The following SPOP variants were observed in gnomAD, a reference collection of about 807,000 sequenced individuals.
SPOP encodes speckle-type POZ protein.
A neutral mutation model predicts 45.6 loss-of-function variants in SPOP; 11 were observed. The observed-to-expected ratio is 0.24, with a 90% CI of 0.15 to 0.40. The LOEUF (loss-of-function observed/expected upper bound fraction) is 0.40, where lower values mean the gene tolerates loss of function less well. Among genes scored for constraint, SPOP ranks in the 10% least tolerant of loss-of-function variants. The pLI is 1.00. For missense variants in SPOP, 152 were observed against 465.6 expected (o/e 0.33, Z 6.20); for synonymous variants, 166 against 166.3 (o/e 1.00, Z 0.01).
At chr17:49,660,661 A>G (rs576403223) in intron 1 of SPOP, among the ~76,000 whole-genome samples, 1 of 152,106 alleles carries the variant, frequency 6.6e-6, no homozygotes, top group Admixed American at 6.5e-5. Flanking sequence ...TCTCCCCATT[A>G]TTTTCCTTAA....
chr17:49,670,610 C>A (rs373046482), intron 1 of SPOP, among the ~76,000 whole-genome samples: 1 of 152,140 alleles, frequency 6.6e-6, no homozygotes, highest in Admixed American at 6.5e-5. Flanking sequence ...TAGTCCACTC[C>A]GAAACCCACT....
At chr17:49,604,582 G>A (rs1332569285) in intron 8 of SPOP, among the ~76,000 whole-genome samples, 2 of 152,202 alleles carry the variant, frequency 1.3e-5, no homozygotes, top group African/African-American at 4.8e-5. Context: ...GGGTATTGCA[G>A]CATCACAGCA....
chr17:49,609,788 G>A (rs2071929715), intron 6 of SPOP, among the ~76,000 whole-genome samples: 3 of 151,862 alleles, frequency 2.0e-5, no homozygotes, highest in Non-Finnish European at 4.4e-5. Flanking sequence ...ATAACTAGAG[G>A]GAGAAGCTTG....
chr17:49,646,533 A>AAAGAG (rs546398632), intron 1 of SPOP: 1 of 151,142 alleles, frequency 6.6e-6, no homozygotes, highest in East Asian at 1.9e-4. Context: ...AAAAAAAAAA[A>AAAGAG]AGAGAGAGAG....
intron 1 of SPOP, among the ~76,000 whole-genome samples, chr17:49,625,589 C>T (rs1450353127): frequency 6.6e-6 from 1 of 152,124 alleles, no homozygotes; most frequent in Admixed American, 6.5e-5. Context: ...GCCTGGGCAA[C>T]AAGAGCGAAG....
At chr17:49,608,054 A>C in intron 6 of SPOP, 125 bp from the exon 7 acceptor site, 2 of 627,364 alleles carry the variant, frequency 3.2e-6, no homozygotes, top group Non-Finnish European at 5.2e-6. Flanking sequence ...CTCTACCTCA[A>C]TTTACATCAG....
chr17:49,643,248 T>C (rs1316179397), intron 1 of SPOP, among the ~76,000 whole-genome samples: 1 of 152,232 alleles, frequency 6.6e-6, no homozygotes, highest in Non-Finnish European at 1.5e-5. Context: ...TTTTCATTTG[T>C]AACACTTCAG....
intron 1 of SPOP, among the ~76,000 whole-genome samples, chr17:49,670,844 T>C (rs1022661945): frequency 1.3e-5 from 2 of 152,146 alleles, no homozygotes. Flanking sequence ...TTGCCTCACT[T>C]CTTTATGATG....
intron 5 of SPOP, chr17:49,618,643 A>C (rs1041145654): frequency 2.2e-6 from 1 of 457,912 alleles, no homozygotes; most frequent in Non-Finnish European, 4.2e-6. Context: ...AGTATAAACA[A>C]CAGATACACA....
chr17:49,619,906 C>G lies in SPOP; in HGVS notation c.201-521G>C, dbSNP rs1181672786. Among the ~76,000 whole-genome samples the G allele has an allele frequency of 3.3e-5, 5 of 152,150 alleles. No individual in the cohort carries two copies. The highest frequency in any genetic ancestry group is 7.3e-5 in the Non-Finnish European group (5 of 68,036). On this transcript the variant is annotated intron_variant, in intron 3 of 9. Coordinates refer to ENST00000504102, the MANE Select transcript of SPOP (RefSeq NM_001007228.2). The surrounding 1 kb of genome is among the most constrained non-coding windows in gnomAD (Gnocchi z 4.9). ...GGGTGCGGTGGCTCACCCCTGTAAT[C>G]TCAGCACTTTGGGAGGCCAAAGCGG...
In SPOP at chr17:49,617,949, A is replaced by C. The variant is rs916083814; in HGVS notation, c.480+1032T>G. On this transcript the variant is annotated intron_variant, in intron 5 of 9. Transcript: ENST00000504102. ...AAAAAAAAAAAAAAAAAAAAGAAAG[A>C]AAGCAATACATAAGCCTGCTACCGA... 1.2e-4 allele frequency among the ~76,000 whole-genome samples: 18 copies of C among 151,658 alleles called. No homozygotes were observed. In the South Asian group the frequency reaches 1.5e-3, roughly 12 times the overall value.
chr17:49,614,543 A>G (rs1387720859), intron 5 of SPOP, among the ~76,000 whole-genome samples: 1 of 152,156 alleles, frequency 6.6e-6, no homozygotes, highest in Non-Finnish European at 1.5e-5. Flanking sequence ...ATTGGGGAGA[A>G]GCATTACAGG....
chr17:49,675,742 G>A (rs544672013), intron 1 of SPOP, among the ~76,000 whole-genome samples: 2 of 152,222 alleles, frequency 1.3e-5, no homozygotes, highest in African/African-American at 2.4e-5. Context: ...AAATCAGGCC[G>A]GGCACAGTGG....
At chr17:49,668,230 T>C (rs2073088839) in intron 1 of SPOP, among the ~76,000 whole-genome samples, 1 of 152,220 alleles carries the variant, frequency 6.6e-6, no homozygotes, top group South Asian at 2.1e-4. Context: ...GTAAATTTAA[T>C]ATTAAGTTTT....
At chr17:49,642,622 A>T (rs1242786336) in intron 1 of SPOP, among the ~76,000 whole-genome samples, 1 of 152,362 alleles carries the variant, frequency 6.6e-6, no homozygotes, top group Non-Finnish European at 1.5e-5. Flanking sequence ...TTACTTAGGA[A>T]CTAAAAAAAG....
At chr17:49,611,903 G>A (rs2071982848) in intron 5 of SPOP, among the ~76,000 whole-genome samples, 1 of 135,096 alleles carries the variant, frequency 7.4e-6, no homozygotes, top group African/African-American at 2.9e-5. Flanking sequence ...TTTTTTTTGA[G>A]ACAGAGTCTC....
intron 1 of SPOP, among the ~76,000 whole-genome samples, chr17:49,633,480 G>A (rs2072489111): frequency 6.6e-6 from 1 of 152,052 alleles, no homozygotes; most frequent in South Asian, 2.1e-4. Context: ...CCAGCTCAAA[G>A]GTTAAAATAT....
At chr17:49,628,049 G>A (rs996573870) in intron 1 of SPOP, among the ~76,000 whole-genome samples, 1 of 152,202 alleles carries the variant, frequency 6.6e-6, no homozygotes, top group African/African-American at 2.4e-5. Flanking sequence ...CAGATGACCA[G>A]CAGAAAAAAA....
chr17:49,643,047 T>A (rs924616641), intron 1 of SPOP, among the ~76,000 whole-genome samples: 6 of 152,250 alleles, frequency 3.9e-5, no homozygotes, highest in African/African-American at 1.4e-4. Flanking sequence ...ACTAGTTCTA[T>A]TTATTACTCT....
Sources: allele counts gnomAD v4.1 joint callset (sites outside exome capture counted in the v4.1 genomes callset), GRCh38; gene constraint gnomAD v4.1.1; non-coding constraint Gnocchi (gnomAD v3.1); transcripts MANE v1.5; gene names NCBI Gene and HGNC (gene_info 2026-07-23, HGNC 2026-07-21).